The following LINGO2 variants were observed in gnomAD, a reference collection of about 807,000 sequenced individuals.
The protein encoded by LINGO2 is leucine rich repeat and Ig domain containing 2.
Under a neutral mutation model 30.6 loss-of-function variants are expected in LINGO2, and 14 were observed. The ratio of observed to expected loss-of-function variants is 0.46; its 90% CI spans 0.30 to 0.72. LINGO2 has a LOEUF of 0.72. LINGO2 is among the 30% of genes least tolerant of loss of function. LINGO2 has a pLI of 0.07. For synonymous variants in LINGO2, 317 were observed against 288.5 expected, an observed-to-expected ratio of 1.10 and a Z score of -1.00; for missense variants, 729 against 751.7, an observed-to-expected ratio of 0.97 and a Z score of 0.35.
chr9:29,052,925 A>T, the LINGO2 span, among the ~76,000 whole-genome samples: 3 of 152,304 alleles, frequency 2.0e-5, no homozygotes, highest in East Asian at 5.8e-4. Context: ...TTTCTTGTCA[A>T]GAAATTCAAA....
At chr9:29,100,979 A>C in the LINGO2 span, among the ~76,000 whole-genome samples, 12 of 152,214 alleles carry the variant, frequency 7.9e-5, no homozygotes, top group African/African-American at 2.2e-4. Context: ...AGGTGGTAGC[A>C]GTAGGAATGG....
At chr9:28,198,651 AT>A (rs971040715) in intron 4 of LINGO2, among the ~76,000 whole-genome samples, 7 of 151,878 alleles carry the variant, frequency 4.6e-5, no homozygotes, top group African/African-American at 1.7e-4. Flanking sequence ...AAAAATCATC[AT>A]TTTTTTTCCA....
intron 4 of LINGO2, among the ~76,000 whole-genome samples, chr9:28,144,782 A>G (rs911757299): frequency 2.6e-5 from 4 of 152,346 alleles, no homozygotes; most frequent in African/African-American, 9.6e-5. Context: ...CCAAAATAAC[A>G]AAGACTAATT....
chr9:28,615,216 T>A (rs558111867), intron 1 of LINGO2, among the ~76,000 whole-genome samples: 1 of 152,302 alleles, frequency 6.6e-6, no homozygotes, highest in East Asian at 1.9e-4. Flanking sequence ...GGTCATTGAT[T>A]TGTCCACTTC....
chr9:28,880,303 T>C, the LINGO2 span, among the ~76,000 whole-genome samples: 1 of 152,178 alleles, frequency 6.6e-6, no homozygotes, highest in South Asian at 2.1e-4. Flanking sequence ...CCTTAAAGAA[T>C]TGCTTTGCTG....
At chr9:28,612,381 A>G (rs574643510) in intron 1 of LINGO2, among the ~76,000 whole-genome samples, 1 of 152,258 alleles carries the variant, frequency 6.6e-6, no homozygotes, top group Admixed American at 6.5e-5. Flanking sequence ...CCATTCATCT[A>G]CTGACAAACA....
At chr9:28,222,118 A>G (rs73447926) in intron 4 of LINGO2, among the ~76,000 whole-genome samples, 1 of 152,226 alleles carries the variant, frequency 6.6e-6, no homozygotes, top group Non-Finnish European at 1.5e-5. Context: ...AAAGGAAGAT[A>G]AAAATATACA....
the LINGO2 span, among the ~76,000 whole-genome samples, chr9:28,948,586 G>T: frequency 6.6e-6 from 1 of 151,960 alleles, no homozygotes; most frequent in African/African-American, 2.4e-5. Context: ...TTTATTGCAA[G>T]AAATTATACT....
intron 4 of LINGO2, among the ~76,000 whole-genome samples, chr9:28,161,433 T>G (rs1000617776): frequency 7.9e-5 from 12 of 152,172 alleles, no homozygotes; most frequent in Non-Finnish European, 1.2e-4. Context: ...ATGACAATAA[T>G]TTTTTCATTC....
the LINGO2 span, among the ~76,000 whole-genome samples, chr9:28,856,013 T>C: frequency 1.3e-5 from 2 of 151,938 alleles, no homozygotes; most frequent in Non-Finnish European, 2.9e-5. Context: ...GAGGCAGGAA[T>C]TCATAAGATG....
At chr9:28,307,123 C>CA (rs1378009554) in intron 3 of LINGO2, among the ~76,000 whole-genome samples, 1 of 151,778 alleles carries the variant, frequency 6.6e-6, no homozygotes, top group African/African-American at 2.4e-5. Context: ...AGAGACACAA[C>CA]AAAAAAAGAG....
At chr9:27,995,590 C>G (rs1218070007) in intron 5 of LINGO2, among the ~76,000 whole-genome samples, 1 of 152,122 alleles carries the variant, frequency 6.6e-6, no homozygotes, top group Non-Finnish European at 1.5e-5. Flanking sequence ...TTAGTAGAAT[C>G]AAGGACAAAA....
the LINGO2 span, among the ~76,000 whole-genome samples, chr9:28,952,378 T>C: frequency 6.6e-6 from 1 of 152,176 alleles, no homozygotes; most frequent in Non-Finnish European, 1.5e-5. Flanking sequence ...ATGGATCTAA[T>C]GACACTGTGA....
At chr9:28,435,123 G>A (rs1254554503) in intron 2 of LINGO2, among the ~76,000 whole-genome samples, 1 of 151,946 alleles carries the variant, frequency 6.6e-6, no homozygotes, top group Non-Finnish European at 1.5e-5. Flanking sequence ...TGAGCACTCA[G>A]TATACAAATA....
At chr9:28,544,835 T>C (rs1270201004) in intron 1 of LINGO2, among the ~76,000 whole-genome samples, 1 of 150,606 alleles carries the variant, frequency 6.6e-6, no homozygotes, top group Non-Finnish European at 1.5e-5. Context: ...ACCTAAAATA[T>C]AAAATTAGGA....
the LINGO2 span, among the ~76,000 whole-genome samples, chr9:28,959,612 T>TCTCTCTCACACACACACA: frequency 1.2e-4 from 16 of 132,164 alleles, no homozygotes; most frequent in East Asian, 4.4e-4. Flanking sequence ...TCTCTCTCCC[T>TCTCTCTCACACACACACA]CACACACACA....
chr9:29,187,780 A>ATTTT, the LINGO2 span, among the ~76,000 whole-genome samples: 21 of 118,830 alleles, frequency 1.8e-4, no homozygotes, highest in East Asian at 1.5e-3. Flanking sequence ...ATACATTTCA[A>ATTTT]TTTTTTTTTT....
intron 4 of LINGO2, among the ~76,000 whole-genome samples, chr9:28,196,648 G>T (rs7858822): frequency 0.33 from 49,423 of 151,694 alleles, 9,344 homozygotes; most frequent in East Asian, 0.47. Flanking sequence ...GAAGATTCAA[G>T]ATTATCAGGG....
At chr9:28,261,726 C>T (rs1375932129) in intron 4 of LINGO2, among the ~76,000 whole-genome samples, 4 of 151,766 alleles carry the variant, frequency 2.6e-5, no homozygotes, top group Admixed American at 2.6e-4. Context: ...AAGAAGAGAA[C>T]CATGCAATTG....
Sources: gnomAD v4.1 joint callset for allele counts (sites outside exome capture counted in the v4.1 genomes callset) on GRCh38, gnomAD v4.1.1 for gene constraint, MANE v1.5 for transcripts, NCBI Gene and HGNC (gene_info 2026-07-23, HGNC 2026-07-21) for gene names.